PLXNC1: variants seen among roughly 807,000 people sequenced by gnomAD.
PLXNC1 encodes plexin-C1.
PLXNC1 carries 75 observed loss-of-function variants against 178.2 expected under a neutral mutation model. The observed-to-expected ratio is 0.42, with a 90% CI of 0.35 to 0.51. The LOEUF (loss-of-function observed/expected upper bound fraction) is 0.51, where lower values mean the gene tolerates loss of function less well. PLXNC1 is among the 20% of genes least tolerant of loss of function. The probability of loss-of-function intolerance (pLI) is 0.02; values close to 1 mark genes in which losing one functional copy is unlikely to be tolerated. For synonymous variants in PLXNC1, 790 were observed against 779.9 expected, an observed-to-expected ratio of 1.01 and a Z score of -0.22; for missense variants, 1,503 against 1,984.4, an observed-to-expected ratio of 0.76 and a Z score of 4.61.
rs1203718247 is a variant in PLXNC1, at chr12:94,305,558, C to T, written c.*273C>T. On this transcript the variant is annotated 3_prime_UTR_variant, in exon 31 of 31. Transcript: ENST00000258526. ...TTACAGAGAATACAAGGCCAGTAAG[C>T]GAATGTCAGTATTGTAACTACAGTC... is the stretch of plus-strand genomic sequence containing the variant. 2.2e-5 allele frequency: 8 copies of T among 356,036 alleles called. No individual in the cohort carries two copies. In the East Asian group the frequency reaches 3.0e-4, roughly 14 times the overall value. The allele number at this position is 356,036 out of a possible 1,614,324, so 22.1% of individuals were successfully genotyped here.
At chr12:94,215,192 C>G (rs1194503400) in intron 5 of PLXNC1, among the ~76,000 whole-genome samples, 1 of 152,126 alleles carries the variant, frequency 6.6e-6, no homozygotes, top group East Asian at 1.9e-4. Context: ...GCCACCGTGC[C>G]CAGCCTTAAG....
intron 3 of PLXNC1, among the ~76,000 whole-genome samples, chr12:94,182,889 A>ATCTC (rs1475788536): frequency 6.6e-6 from 1 of 150,776 alleles, no homozygotes. Context: ...CTATCTATCT[A>ATCTC]TCTATCTATC....
At position 94,260,408 on chromosome 12, in the gene PLXNC1, A is replaced by C. The variant is rs111299348; in HGVS notation, c.3252-234A>C. On this transcript the variant is annotated intron_variant, in intron 19 of 30. Transcript: ENST00000258526. The surrounding 1 kb of genome is among the most constrained non-coding windows in gnomAD (Gnocchi z 4.4). ...AAGTGTTAATTTTTATTTTTAAAAC[A>C]TCCCGAAACTTTGGAAGACTCACAT... 4.1e-3 allele frequency among the ~76,000 whole-genome samples: 621 copies of C among 152,054 alleles called. 6 individuals carry two copies. The highest frequency in any genetic ancestry group is 0.014 in the African/African-American group (595 of 41,446).
At chr12:94,245,234 C>T (rs1284904439) in intron 12 of PLXNC1, among the ~76,000 whole-genome samples, 2 of 152,360 alleles carry the variant, frequency 1.3e-5, no homozygotes, top group East Asian at 1.9e-4. Context: ...GAGTTTGTCA[C>T]GGACTTGCTC....
intron 4 of PLXNC1, 65 bp from the exon 5 acceptor site, chr12:94,209,525 G>A: frequency 3.3e-6 from 3 of 905,152 alleles, no homozygotes; most frequent in African/African-American, 1.7e-5. Flanking sequence ...ACTAATGCAC[G>A]TATGGGGTCG....
intron 11 of PLXNC1, among the ~76,000 whole-genome samples, chr12:94,243,471 C>G (rs989828094): frequency 9.9e-5 from 15 of 152,208 alleles, no homozygotes; most frequent in Non-Finnish European, 5.9e-5. Flanking sequence ...GTAATTCTAC[C>G]TTGCCCAAAG....
At chr12:94,162,494 G>A (rs1444115451) in intron 1 of PLXNC1, among the ~76,000 whole-genome samples, 2 of 152,142 alleles carry the variant, frequency 1.3e-5, no homozygotes, top group East Asian at 1.9e-4. Flanking sequence ...GAGAATTTTA[G>A]TCAAGGGAGT....
chr12:94,199,930 G>C (rs1963057972), intron 4 of PLXNC1, among the ~76,000 whole-genome samples: 1 of 152,160 alleles, frequency 6.6e-6, no homozygotes, highest in Non-Finnish European at 1.5e-5. Context: ...AGCTGGGACT[G>C]ACTACAGGCG....
At chr12:94,150,542 GC>G (rs1020522469) in intron 1 of PLXNC1, among the ~76,000 whole-genome samples, 1 of 152,164 alleles carries the variant, frequency 6.6e-6, no homozygotes, top group African/African-American at 2.4e-5. Flanking sequence ...CCCTGTCTCC[GC>G]CCCCCACCGG....
Position 94,181,260 on chromosome 12 carries a change from C to A in PLXNC1, c.1204-186C>A, listed in dbSNP as rs142772583. ...TAAAAAAAATTAGCTGGGTGTGGTG[C>A]ATCTATAGTCCCAGCTACTTGGGAG... On this transcript the variant is annotated intron_variant, in intron 2 of 30. Transcript: ENST00000258526. Among the ~76,000 whole-genome samples, 254 of 151,842 alleles carry A rather than the reference C, an allele frequency of 1.7e-3. 1 individual carries two copies. Among genetic ancestry groups the A allele is most frequent in the Admixed American group, 6.2e-3 (95 of 15,242 alleles).
intron 3 of PLXNC1, among the ~76,000 whole-genome samples, chr12:94,184,979 A>G (rs1050584109): frequency 6.6e-6 from 1 of 152,234 alleles, no homozygotes; most frequent in Non-Finnish European, 1.5e-5. Flanking sequence ...CTTTTCTTGC[A>G]TAATAGCAGT....
At position 94,306,281 on chromosome 12, in the gene PLXNC1, TTATATATAAA is replaced by T. The variant is rs1336829067; in HGVS notation, c.*1005_*1014del. The T allele has an allele frequency of 6.6e-6, 1 of 152,070 alleles. No individual in the cohort carries two copies. The highest frequency in any genetic ancestry group is 1.5e-5 in the Non-Finnish European group (1 of 68,008). The allele number at this position is 152,070 out of a possible 1,614,324, so 9.4% of individuals were successfully genotyped here. A position where few individuals can be genotyped will look rare whatever the true frequency, so the allele number is the denominator to read the frequency against. On this transcript the variant is annotated 3_prime_UTR_variant, in exon 31 of 31. Transcript: ENST00000258526. ...TCGAATTGCTGTTCACACTGGAGTA[TTATATATAAA>T]TATATATATTTGAGGCCCAAGGCCT...
At chr12:94,213,287 T>C (rs11107449) in intron 5 of PLXNC1, among the ~76,000 whole-genome samples, 31,168 of 152,198 alleles carry the variant, frequency 0.2, 3,341 homozygotes, top group Middle Eastern at 0.26. Flanking sequence ...AAAGTGTTCC[T>C]GTTTCTCCAC....
At chr12:94,300,439 G>A (rs1027280973) in intron 27 of PLXNC1, among the ~76,000 whole-genome samples, 5 of 152,164 alleles carry the variant, frequency 3.3e-5, no homozygotes, top group Non-Finnish European at 7.3e-5. Flanking sequence ...ATAGCAAGGA[G>A]AACAGGAGAG....
chr12:94,186,964 G>A (rs1413074740), intron 4 of PLXNC1, among the ~76,000 whole-genome samples: 2 of 152,176 alleles, frequency 1.3e-5, no homozygotes, highest in East Asian at 3.9e-4. Flanking sequence ...CTCAGTCTCC[G>A]GGCAGAATCT....
chr12:94,215,384 A>G (rs889101126), intron 5 of PLXNC1, among the ~76,000 whole-genome samples: 6 of 152,100 alleles, frequency 3.9e-5, no homozygotes, highest in Non-Finnish European at 2.9e-5. Flanking sequence ...TTCCTCACCT[A>G]TTTTTCTTGA....
At chr12:94,200,953 A>G (rs1963097434) in intron 4 of PLXNC1, among the ~76,000 whole-genome samples, 1 of 152,192 alleles carries the variant, frequency 6.6e-6, no homozygotes. Flanking sequence ...CAATGAAATG[A>G]CTTCTGCTGG....
At chr12:94,163,861 C>T (rs957684195) in intron 1 of PLXNC1, among the ~76,000 whole-genome samples, 1 of 152,136 alleles carries the variant, frequency 6.6e-6, no homozygotes, top group African/African-American at 2.4e-5. Context: ...AAAAGCAACC[C>T]GAGCCTTCCT....
At chr12:94,212,992 T>C (rs1963535470) in intron 5 of PLXNC1, among the ~76,000 whole-genome samples, 2 of 152,258 alleles carry the variant, frequency 1.3e-5, no homozygotes. Flanking sequence ...GTGCTGGGAT[T>C]ACAGGCGTGA....
Sources: gnomAD v4.1 joint callset for allele counts (sites outside exome capture counted in the v4.1 genomes callset) on GRCh38, gnomAD v4.1.1 for gene constraint, Gnocchi (gnomAD v3.1) non-coding constraint, MANE v1.5 for transcripts, NCBI Gene and HGNC (gene_info 2026-07-23, HGNC 2026-07-21) for gene names.